RBM33: variants seen among roughly 807,000 people sequenced by gnomAD.
RBM33 encodes the protein RNA-binding protein 33.
A neutral mutation model predicts 132.6 loss-of-function variants in RBM33; 28 were observed. The ratio of observed to expected loss-of-function variants is 0.21; its 90% CI spans 0.16 to 0.29. RBM33 has a LOEUF of 0.29. Ranked by LOEUF, RBM33 falls within the 10% of genes least tolerant of loss-of-function variation. The pLI, the probability that RBM33 is intolerant of heterozygous loss-of-function variation, is 1.00. For synonymous variants in RBM33, 634 were observed against 593.0 expected (o/e 1.07, Z -1.01); for missense variants, 1,291 against 1,518.5 (o/e 0.85, Z 2.49).
chr7:155,666,133 T>C (rs1330174346), intron 2 of RBM33, among the ~76,000 whole-genome samples: 1 of 152,186 alleles, frequency 6.6e-6, no homozygotes, highest in African/African-American at 2.4e-5. Flanking sequence ...GAAAGATTCA[T>C]TATGAAGGAC....
chr7:155,657,278 T>G (rs146431795), intron 1 of RBM33, among the ~76,000 whole-genome samples: 1 of 152,156 alleles, frequency 6.6e-6, no homozygotes, highest in African/African-American at 2.4e-5. Context: ...TAAATTTCCT[T>G]CCGGAGTGCC....
At chr7:155,712,944 G>A (rs1328255235) in intron 8 of RBM33, among the ~76,000 whole-genome samples, 4 of 152,206 alleles carry the variant, frequency 2.6e-5, no homozygotes. Flanking sequence ...AGACTGTCGG[G>A]TGGCAAGGGT....
chr7:155,741,640 AT>A (rs1801338902), intron 12 of RBM33, among the ~76,000 whole-genome samples, 178 bp from the exon 13 acceptor site: 1 of 152,244 alleles, frequency 6.6e-6, no homozygotes, highest in South Asian at 2.1e-4. Context: ...ATGCTGCCAC[AT>A]GGATCAGGTG....
chr7:155,663,201 C>T lies in RBM33; in HGVS notation c.44-1974C>T, dbSNP rs1585408089. On this transcript the variant is annotated intron_variant, in intron 1 of 17. Transcript: ENST00000401878. ...GTCTTTAATTCTTGGATTTTCTTTT[C>T]TTTCTTTCTTTTTTTTTTTTAAAGC... Among the ~76,000 whole-genome samples the T allele has an allele frequency of 4.8e-5, 5 of 103,754 alleles. No homozygotes were observed. The South Asian group carries it at 2.0e-3, about 42-fold the overall frequency. The allele number at this position is 103,754 out of a possible 152,430, so 68.1% of individuals were successfully genotyped here. A position where few individuals can be genotyped will look rare whatever the true frequency, so the allele number is the denominator to read the frequency against.
intron 14 of RBM33, among the ~76,000 whole-genome samples, chr7:155,752,616 A>G (rs1801718417): frequency 6.6e-6 from 1 of 152,192 alleles, no homozygotes; most frequent in Non-Finnish European, 1.5e-5. Flanking sequence ...CACTGAGTTG[A>G]GAGCTGGGCA....
At chr7:155,741,756 C>CT in intron 12 of RBM33, 63 bp from the exon 13 acceptor site, 1 of 1,434,090 alleles carries the variant, frequency 7.0e-7, no homozygotes, top group Non-Finnish European at 9.6e-7. Flanking sequence ...AATAATGTGC[C>CT]TTTTAATGTT....
intron 5 of RBM33, among the ~76,000 whole-genome samples, chr7:155,692,572 C>T (rs1463368430): frequency 2.0e-5 from 3 of 152,204 alleles, no homozygotes; most frequent in South Asian, 2.1e-4. Context: ...TCTCTTCACA[C>T]GGCCCAGTTG....
chr7:155,673,768 G>GCACACACACACACACGCGCACACACA (rs1799067087), intron 3 of RBM33, among the ~76,000 whole-genome samples: 1 of 132,962 alleles, frequency 7.5e-6, no homozygotes, highest in Non-Finnish European at 1.5e-5. Context: ...GCGCATGCGC[G>GCACACACACACACACGCGCACACACA]CACACACACA....
Position 155,775,591 on chromosome 7 carries a change from G to A in RBM33, c.*550G>A, listed in dbSNP as rs1468482500. 1.2e-5 allele frequency: 2 copies of A among 162,480 alleles called. No individual in the cohort carries two copies. The highest frequency in any genetic ancestry group is 2.7e-5 in the Non-Finnish European group (2 of 73,516). The allele number at this position is 162,480 out of a possible 1,614,324, so 10.1% of individuals were successfully genotyped here. On this transcript the variant is annotated 3_prime_UTR_variant, in exon 18 of 18. Transcript: ENST00000401878. ...GACCTTTGCATACCCTGGAAAGCCA[G>A]GGTGTGAGTGGGGTGGTTGGGAGTG... is the stretch of plus-strand genomic sequence containing the variant.
intron 1 of RBM33, among the ~76,000 whole-genome samples, chr7:155,657,580 A>G (rs1031229243): frequency 1.3e-5 from 2 of 152,070 alleles, no homozygotes; most frequent in African/African-American, 4.8e-5. Flanking sequence ...TGAGCATGGC[A>G]CACTACAGCT....
Position 155,748,887 on chromosome 7 carries a change from T to G in RBM33, c.2979+3285T>G, listed in dbSNP as rs543456827. Among the ~76,000 whole-genome samples, 8 of 152,302 alleles carry G rather than the reference T, an allele frequency of 5.3e-5. No homozygotes were observed. In the South Asian group the frequency reaches 1.2e-3, roughly 24 times the overall value. ...ATTGTGTTGACTAGGGTCAACGTCT[T>G]GGTTTAAAGCTTGAAAAGTGACTAT... On this transcript the variant is annotated intron_variant, in intron 14 of 17. Coordinates refer to ENST00000401878, the MANE Select transcript of RBM33 (RefSeq NM_053043.3).
rs1013608077 is a variant in RBM33, at chr7:155,727,989, C to T, written c.1261-9541C>T. The stretch of plus-strand genomic sequence containing the variant: ...TTCATCGTGTTGCCTAGGCTGGTCT[C>T]GAACTCCTGGGCTCAAGCAGTCAGC... On this transcript the variant is annotated intron_variant, in intron 9 of 17. Transcript: ENST00000401878. Among the ~76,000 whole-genome samples, 7 of 152,194 alleles carry T rather than the reference C, an allele frequency of 4.6e-5. No individual in the cohort carries two copies. In the South Asian group the frequency reaches 6.2e-4, roughly 14 times the overall value.
Position 155,738,124 on chromosome 7 carries a change from A to G in RBM33, c.1458A>G (p.Pro486=). Residue 486 remains proline, a synonymous_variant, in exon 11 of 18, where the codon CCA becomes CCG. Transcript: ENST00000401878. The part of the protein sequence containing the change: ...FLEQRSPPPP[P]PPPTLLNSSH... ...AACAGCGAAGTCCCCCTCCACCACC[A>G]CCGCCTCCTACCCTTCTTAACAGTA... The G allele has an allele frequency of 6.2e-7, 1 of 1,613,672 alleles. No individual in the cohort carries two copies. The highest frequency in any genetic ancestry group is 1.1e-5 in the South Asian group (1 of 91,054).
In RBM33 at chr7:155,738,297, G is replaced by A. The variant is rs1218284203; in HGVS notation, c.1631G>A (p.Ser544Asn). ...PPGPVGILHF[S>N]QPGSATTRPF... ...GGTCCGGTGGGGATTCTGCACTTTAGCCAGCCTGGGTCGGCAACCACACGG... is the reference window on the plus strand; with the variant it reads ...GGTCCGGTGGGGATTCTGCACTTTAACCAGCCTGGGTCGGCAACCACACGG... The change falls in exon 11 of 18, where the codon AGC becomes AAC. Residue 544 changes from serine (S) to asparagine (N), a missense_variant. Around this residue, in one of 7 missense-constraint regions of RBM33, gnomAD observed 841 missense variants for 912.0 expected, o/e 0.92. Coordinates refer to ENST00000401878, the MANE Select transcript of RBM33 (RefSeq NM_053043.3). 7 of 1,613,908 alleles carry A rather than the reference G, an allele frequency of 4.3e-6. No homozygotes were observed. Among genetic ancestry groups the A allele is most frequent in the Non-Finnish European group, 5.1e-6 (6 of 1,179,880 alleles).
chr7:155,658,100 C>T (rs1204884253), intron 1 of RBM33, among the ~76,000 whole-genome samples: 1 of 152,034 alleles, frequency 6.6e-6, no homozygotes, highest in Non-Finnish European at 1.5e-5. Flanking sequence ...CTCTTTCTCC[C>T]TTCATTTTTG....
At chr7:155,672,842 A>C (rs906000457) in intron 2 of RBM33, 25 bp from the exon 3 acceptor site, 14 of 1,532,192 alleles carry the variant, frequency 9.1e-6, no homozygotes, top group Non-Finnish European at 1.2e-5. Flanking sequence ...ATAATCATTG[A>C]CATGTCTCTT....
rs558223734 is a variant in RBM33, at chr7:155,745,855, G to A, written c.2979+253G>A. 1.8e-5 allele frequency: 9 copies of A among 501,378 alleles called. No homozygotes were observed. In the Admixed American group the frequency reaches 2.2e-4, roughly 12 times the overall value. 31.1% of individuals were successfully genotyped at this position (501,378 alleles called of 1,614,324 possible). ...TGTACTTCCATACACAGACGGTACA[G>A]CCTGCTGCACACCTAGGCTATATGG... On this transcript the variant is annotated intron_variant, in intron 14 of 17. Transcript: ENST00000401878. The surrounding 1 kb of genome is among the most constrained non-coding windows in gnomAD (Gnocchi z 4.1).
chr7:155,705,340 C>T (rs551591479), intron 6 of RBM33, among the ~76,000 whole-genome samples: 1 of 152,134 alleles, frequency 6.6e-6, no homozygotes, highest in Non-Finnish European at 1.5e-5. Flanking sequence ...CACTCAGAAC[C>T]ACTAGAAAAA....
Position 155,775,191 on chromosome 7 carries a change from G to T in RBM33, c.*150G>T. 2.7e-6 allele frequency: 2 copies of T among 752,000 alleles called. No homozygotes were observed. The highest frequency in any genetic ancestry group is 2.4e-6 in the Non-Finnish European group (1 of 418,490). The allele number at this position is 752,000 out of a possible 1,614,324, so 46.6% of individuals were successfully genotyped here. ...TCTCCAGAGCGCCAGCCAGCCACGG[G>T]CCTGATTCCAGAGGAGCCGAACTGA... On this transcript the variant is annotated 3_prime_UTR_variant, in exon 18 of 18. Coordinates refer to ENST00000401878, the MANE Select transcript of RBM33 (RefSeq NM_053043.3).
Sources: allele counts gnomAD v4.1 joint callset (sites outside exome capture counted in the v4.1 genomes callset), GRCh38; gene constraint gnomAD v4.1.1; regional missense constraint gnomAD v4.1.1; non-coding constraint Gnocchi (gnomAD v3.1); transcripts MANE v1.5; gene names NCBI Gene and HGNC (gene_info 2026-07-23, HGNC 2026-07-21).